The following SRD5A2 variants were observed in gnomAD, a reference collection of about 807,000 sequenced individuals.
The protein encoded by SRD5A2 is steroid 5 alpha-reductase 2.
SRD5A2 carries 30 observed loss-of-function variants against 27.4 expected under a neutral mutation model. The observed-to-expected ratio is 1.10, with a 90% CI of 0.82 to 1.49. SRD5A2 has a LOEUF of 1.49. SRD5A2 is among the 40% of genes most tolerant of loss of function. The pLI is 0.00. For missense variants in SRD5A2, 348 were observed against 323.4 expected (o/e 1.08, Z -0.58); for synonymous variants, 141 against 133.6 (o/e 1.06, Z -0.38).
intron 3 of SRD5A2, 91 bp downstream of exon 3, chr2:31,531,280 C>T: frequency 1.1e-6 from 1 of 915,996 alleles, no homozygotes; most frequent in Non-Finnish European, 1.7e-6. Flanking sequence ...CATTCGTGCC[C>T]TCACTGTCCC....
the SRD5A2 span, among the ~76,000 whole-genome samples, chr2:31,636,013 C>G: frequency 6.6e-6 from 1 of 152,026 alleles, no homozygotes; most frequent in Non-Finnish European, 1.5e-5. Flanking sequence ...CTCAGGACTG[C>G]TTTGCCTGTT....
the SRD5A2 span, among the ~76,000 whole-genome samples, chr2:31,609,931 T>A: frequency 6.6e-6 from 1 of 151,936 alleles, no homozygotes; most frequent in Non-Finnish European, 1.5e-5. Flanking sequence ...AAGAAATGGA[T>A]GAATTCCTAG....
At chr2:31,547,545 AC>A (rs1198948390) in intron 1 of SRD5A2, among the ~76,000 whole-genome samples, 2 of 152,152 alleles carry the variant, frequency 1.3e-5, no homozygotes, top group Non-Finnish European at 1.5e-5. Context: ...CATTTCTTCT[AC>A]CCTTTTCAAG....
the SRD5A2 span, among the ~76,000 whole-genome samples, chr2:31,635,488 T>C: frequency 1.5e-4 from 23 of 152,120 alleles, no homozygotes; most frequent in Non-Finnish European, 3.1e-4. Flanking sequence ...TTTTCTCTCA[T>C]TTTGTGGATT....
chr2:31,545,485 T>C (rs116392381), intron 1 of SRD5A2, among the ~76,000 whole-genome samples: 105 of 152,220 alleles, frequency 6.9e-4, no homozygotes, highest in African/African-American at 2.4e-3. Flanking sequence ...AAACACGTGG[T>C]CAATTAATTG....
chr2:31,601,326 G>A, the SRD5A2 span, among the ~76,000 whole-genome samples: 1 of 151,940 alleles, frequency 6.6e-6, no homozygotes, highest in Admixed American at 6.6e-5. Context: ...AGAAGAAATG[G>A]AAAAAGTCAT....
At chr2:31,599,493 G>T in the SRD5A2 span, among the ~76,000 whole-genome samples, 56 of 151,922 alleles carry the variant, frequency 3.7e-4, no homozygotes, top group African/African-American at 1.3e-3. Context: ...CTAGAAATCA[G>T]TAACAAGAGG....
chr2:31,615,588 T>C, the SRD5A2 span, among the ~76,000 whole-genome samples: 1 of 152,112 alleles, frequency 6.6e-6, no homozygotes, highest in Non-Finnish European at 1.5e-5. Context: ...GTTAAAAGCA[T>C]TCAGTTTTAA....
chr2:31,599,505 A>C, the SRD5A2 span, among the ~76,000 whole-genome samples: 224 of 152,210 alleles, frequency 1.5e-3, 1 homozygote, highest in Non-Finnish European at 2.7e-3. Context: ...AACAAGAGGA[A>C]TTTTGGAAAC....
chr2:31,607,852 G>A, the SRD5A2 span, among the ~76,000 whole-genome samples: 8 of 152,000 alleles, frequency 5.3e-5, no homozygotes, highest in African/African-American at 1.7e-4. Flanking sequence ...GATAGTATTA[G>A]GAAGTGGAGA....
the SRD5A2 span, among the ~76,000 whole-genome samples, chr2:31,661,099 G>A: frequency 6.6e-6 from 1 of 152,104 alleles, no homozygotes; most frequent in Non-Finnish European, 1.5e-5. Context: ...GGCCCACTGA[G>A]CAATAGTTTT....
chr2:31,636,257 T>C, the SRD5A2 span, among the ~76,000 whole-genome samples: 1 of 152,066 alleles, frequency 6.6e-6, no homozygotes, highest in African/African-American at 2.4e-5. Context: ...TTCACTTATT[T>C]GGCTAGACTG....
At chr2:31,600,933 G>A in the SRD5A2 span, among the ~76,000 whole-genome samples, 1 of 151,806 alleles carries the variant, frequency 6.6e-6, no homozygotes, top group Non-Finnish European at 1.5e-5. Context: ...TATATCTACA[G>A]AATGAAGGAC....
At chr2:31,614,554 T>G in the SRD5A2 span, among the ~76,000 whole-genome samples, 1 of 152,148 alleles carries the variant, frequency 6.6e-6, no homozygotes, top group African/African-American at 2.4e-5. Context: ...CTGGGGTCCG[T>G]AGGACAGTGG....
chr2:31,590,146 C>T, the SRD5A2 span, among the ~76,000 whole-genome samples: 7 of 149,658 alleles, frequency 4.7e-5, no homozygotes, highest in African/African-American at 2.5e-5. Flanking sequence ...CCCAATCCTG[C>T]GCCCCCACCC....
At chr2:31,584,631 A>C (rs1667146155), upstream of SRD5A2, among the ~76,000 whole-genome samples, 1 of 152,188 alleles carries the variant, frequency 6.6e-6, no homozygotes, top group Non-Finnish European at 1.5e-5. Flanking sequence ...TCACTAAAAA[A>C]AATTAAAGAA....
chr2:31,650,292 T>C, the SRD5A2 span, among the ~76,000 whole-genome samples: 1 of 152,064 alleles, frequency 6.6e-6, no homozygotes, highest in Non-Finnish European at 1.5e-5. Context: ...TGGACACATA[T>C]GGCACCTCAA....
chr2:31,563,185 T>C (rs1462910543), intron 1 of SRD5A2: 2 of 151,946 alleles, frequency 1.3e-5, no homozygotes, highest in Admixed American at 6.6e-5. Context: ...TCCCAAAGCA[T>C]TACACGTCAA....
intron 1 of SRD5A2, among the ~76,000 whole-genome samples, chr2:31,572,956 A>G (rs1558374815): frequency 6.6e-6 from 1 of 152,212 alleles, no homozygotes; most frequent in Non-Finnish European, 1.5e-5. Context: ...ACTGGATAAT[A>G]TGGCATAGTT....
Sources: gnomAD v4.1 joint callset for allele counts (sites outside exome capture counted in the v4.1 genomes callset) on GRCh38, gnomAD v4.1.1 for gene constraint, MANE v1.5 for transcripts, NCBI Gene and HGNC (gene_info 2026-07-23, HGNC 2026-07-21) for gene names.